The following AKR1D1 variants were observed in gnomAD, a reference collection of about 807,000 sequenced individuals.
AKR1D1 encodes delta(4)-3-ketosteroid 5-beta-reductase.
Under a neutral mutation model 42.6 loss-of-function variants are expected in AKR1D1, and 32 were observed. The observed-to-expected ratio is 0.75, with a 90% CI of 0.57 to 1.01. AKR1D1 has a LOEUF of 1.01. Among genes scored for constraint, AKR1D1 ranks in the 50% least tolerant of loss-of-function variants. The pLI is 0.00. For synonymous variants in AKR1D1, 123 were observed against 135.5 expected (o/e 0.91, Z 0.64); for missense variants, 364 against 402.2 (o/e 0.91, Z 0.81).
intron 1 of AKR1D1, among the ~76,000 whole-genome samples, chr7:138,079,912 T>C (rs7799130): frequency 0.016 from 2,473 of 152,290 alleles, 70 homozygotes; most frequent in African/African-American, 0.056. Context: ...TACCTTGTAA[T>C]TCTCCAACTG....
intron 3 of AKR1D1, among the ~76,000 whole-genome samples, chr7:138,094,453 T>C (rs1585729209): frequency 6.6e-6 from 1 of 151,200 alleles, no homozygotes; most frequent in Non-Finnish European, 1.5e-5. Context: ...AGGTGGAGGG[T>C]GCAGTGAGCC....
intron 3 of AKR1D1, among the ~76,000 whole-genome samples, chr7:138,095,568 C>G (rs1178197219): frequency 6.6e-6 from 1 of 152,114 alleles, no homozygotes; most frequent in East Asian, 1.9e-4. Flanking sequence ...TCTTGTTGCC[C>G]AGACTGGAGT....
At chr7:138,096,143 C>T (rs1794179143) in intron 3 of AKR1D1, among the ~76,000 whole-genome samples, 2 of 151,922 alleles carry the variant, frequency 1.3e-5, no homozygotes, top group Non-Finnish European at 2.9e-5. Flanking sequence ...GACATCGAGG[C>T]TACAGTGAGC....
At chr7:138,090,636 CAAA>C (rs201055784) in intron 2 of AKR1D1, among the ~76,000 whole-genome samples, 2 of 91,428 alleles carry the variant, frequency 2.2e-5, no homozygotes, top group Non-Finnish European at 4.8e-5. Context: ...GACCCCGTCT[CAAA>C]AAAAAAAAAA....
At chr7:138,100,339 A>G (rs1294748101) in intron 4 of AKR1D1, among the ~76,000 whole-genome samples, 1 of 152,146 alleles carries the variant, frequency 6.6e-6, no homozygotes, top group East Asian at 1.9e-4. Flanking sequence ...ACCCCAATTA[A>G]AAGGCATAGA....
At chr7:138,091,375 T>A in intron 2 of AKR1D1, 4 of 235,528 alleles carry the variant, frequency 1.7e-5, no homozygotes, top group South Asian at 5.4e-5. Context: ...AGGAGGAGGG[T>A]TTTTAGGTCA....
intron 7 of AKR1D1, among the ~76,000 whole-genome samples, chr7:138,109,048 A>G (rs1170863946): frequency 6.6e-6 from 1 of 152,218 alleles, no homozygotes; most frequent in Non-Finnish European, 1.5e-5. Flanking sequence ...TTATTATAGA[A>G]TTCTTTGTAA....
At chr7:138,109,018 GCA>G (rs1306091465) in intron 7 of AKR1D1, among the ~76,000 whole-genome samples, 1 of 152,084 alleles carries the variant, frequency 6.6e-6, no homozygotes, top group East Asian at 1.9e-4. Flanking sequence ...ATACATGGGT[GCA>G]CACACACAGA....
intron 4 of AKR1D1, among the ~76,000 whole-genome samples, chr7:138,102,397 C>T (rs1332128248): frequency 6.6e-6 from 1 of 152,048 alleles, no homozygotes; most frequent in Non-Finnish European, 1.5e-5. Context: ...GAGACCCCGT[C>T]TCTACAAAAA....
chr7:138,085,502 T>C (rs1394934652), intron 1 of AKR1D1, among the ~76,000 whole-genome samples: 4 of 148,802 alleles, frequency 2.7e-5, no homozygotes, highest in Admixed American at 6.8e-5. Flanking sequence ...TGGAGTGCAG[T>C]GGCATGATCT....
intron 4 of AKR1D1, among the ~76,000 whole-genome samples, chr7:138,100,114 A>AAAAAAAAAAAC (rs1181006331): frequency 7.2e-6 from 1 of 138,698 alleles, no homozygotes; most frequent in African/African-American, 2.6e-5. Flanking sequence ...AAAAAAAAAA[A>AAAAAAAAAAAC]AAAACATAAA....
At chr7:138,104,139 A>G (rs1021854628) in intron 4 of AKR1D1, among the ~76,000 whole-genome samples, 3 of 152,042 alleles carry the variant, frequency 2.0e-5, no homozygotes, top group African/African-American at 7.2e-5. Flanking sequence ...TACTGTTTCA[A>G]AAAAAAACAC....
intron 3 of AKR1D1, among the ~76,000 whole-genome samples, chr7:138,097,218 C>T (rs1022182976): frequency 2.0e-5 from 3 of 152,182 alleles, no homozygotes; most frequent in Admixed American, 6.5e-5. Context: ...GCAGTTGCCC[C>T]AGTCCCAGAC....
At chr7:138,092,069 T>C (rs1450181357) in intron 3 of AKR1D1, among the ~76,000 whole-genome samples, 185 bp downstream of exon 3, 1 of 146,502 alleles carries the variant, frequency 6.8e-6, no homozygotes, top group Non-Finnish European at 1.5e-5. Context: ...AGCTAGCGTA[T>C]TACTTGGCAC....
At chr7:138,084,332 G>C (rs971425258) in intron 1 of AKR1D1, among the ~76,000 whole-genome samples, 4 of 137,610 alleles carry the variant, frequency 2.9e-5, no homozygotes, top group African/African-American at 1.1e-4. Flanking sequence ...GCATGATTAC[G>C]GCTCCCTGCA....
intron 4 of AKR1D1, among the ~76,000 whole-genome samples, chr7:138,104,999 T>A (rs938347234): frequency 6.6e-6 from 1 of 152,088 alleles, no homozygotes. Context: ...CCTCAAGTGA[T>A]CCTCCTGCCT....
intron 1 of AKR1D1, among the ~76,000 whole-genome samples, chr7:138,078,975 C>T (rs1004305042): frequency 1.3e-5 from 2 of 152,144 alleles, no homozygotes; most frequent in African/African-American, 4.8e-5. Flanking sequence ...ATGTGCCATC[C>T]TTTAAACATT....
chr7:138,107,383 C>T, intron 6 of AKR1D1, 32 bp from the exon 7 acceptor site: 1 of 1,610,012 alleles, frequency 6.2e-7, no homozygotes, highest in Non-Finnish European at 8.5e-7. Flanking sequence ...ATTATGCAAA[C>T]TAATTATGAT....
intron 5 of AKR1D1, 122 bp from the exon 6 acceptor site, chr7:138,106,486 T>C (rs568612289): frequency 4.0e-6 from 3 of 752,386 alleles, no homozygotes; most frequent in South Asian, 2.9e-5. Context: ...ACGAAATGTA[T>C]ATAGTATGAA....
Sources: allele counts gnomAD v4.1 joint callset (sites outside exome capture counted in the v4.1 genomes callset), GRCh38; gene constraint gnomAD v4.1.1; transcripts MANE v1.5; gene names NCBI Gene and HGNC (gene_info 2026-07-23, HGNC 2026-07-21).